Variants in HACD2 observed in about 807,000 individuals in gnomAD.
The protein encoded by HACD2 is very-long-chain (3R)-3-hydroxyacyl-CoA dehydratase 2.
In HACD2, 15 loss-of-function variants were observed where a neutral mutation model predicts 31.0. The ratio of observed to expected loss-of-function variants is 0.48; its 90% CI spans 0.32 to 0.75. The LOEUF is 0.75. Ranked by LOEUF, HACD2 falls within the 30% of genes least tolerant of loss-of-function variation. HACD2 has a pLI of 0.03. For missense variants in HACD2, 283 were observed against 313.0 expected (o/e 0.90, Z 0.72); for synonymous variants, 115 against 122.2 (o/e 0.94, Z 0.39).
chr3:123,539,280 C>A (rs563853307), intron 3 of HACD2, among the ~76,000 whole-genome samples: 1 of 152,182 alleles, frequency 6.6e-6, no homozygotes, highest in African/African-American at 2.4e-5. Flanking sequence ...TAATAAAAAA[C>A]ACATATGGGG....
rs2055890467 is a variant in HACD2, at chr3:123,500,579, G to T, written c.618C>A (p.Asn206Lys). The change falls in exon 6 of 7, where the codon AAC becomes AAA. Residue 206 changes from asparagine to lysine, a missense_variant. Asn to Lys is a moderately conservative substitution (Grantham distance 94). Transcript: ENST00000383657. Reference protein sequence around the residue: ...QAGLYSISLPNKYNFSFDYYA... With the variant: ...QAGLYSISLPKKYNFSFDYYA... ...AGTAGTCAAAAGAGAAATTGTATTT[G>T]TTGGGTAAACTGATGGAATATAGGC... 6.2e-7 allele frequency: 1 copy of T among 1,612,168 alleles called. No individual in the cohort carries two copies. Among genetic ancestry groups the T allele is most frequent in the Non-Finnish European group, 8.5e-7 (1 of 1,178,282 alleles).
At chr3:123,539,911 T>TAAAAAAAAAAAAAAAA (rs71142741) in intron 3 of HACD2, among the ~76,000 whole-genome samples, 1 of 24,478 alleles carries the variant, frequency 4.1e-5, no homozygotes, top group Non-Finnish European at 6.2e-5. Context: ...TCGTCTCTAC[T>TAAAAAAAAAAAAAAAA]AAAAAAAAAA....
intron 3 of HACD2, among the ~76,000 whole-genome samples, chr3:123,550,299 G>A (rs2056606333): frequency 6.6e-6 from 1 of 152,202 alleles, no homozygotes; most frequent in Non-Finnish European, 1.5e-5. Context: ...TCTGCGCAGT[G>A]AGGACTGAAG....
At chr3:123,576,198 TG>T (rs1362295138) in intron 2 of HACD2, among the ~76,000 whole-genome samples, 1 of 152,194 alleles carries the variant, frequency 6.6e-6, no homozygotes, top group African/African-American at 2.4e-5. Context: ...ACCTATTTCT[TG>T]CACTGTGGCT....
chr3:123,570,822 A>G (rs1305491161), intron 2 of HACD2, among the ~76,000 whole-genome samples: 1 of 152,098 alleles, frequency 6.6e-6, no homozygotes, highest in African/African-American at 2.4e-5. Context: ...AGAGGCAATA[A>G]AGCCATTGTT....
intron 4 of HACD2, among the ~76,000 whole-genome samples, chr3:123,527,835 A>G (rs1265580502): frequency 6.6e-6 from 1 of 152,230 alleles, no homozygotes; most frequent in African/African-American, 2.4e-5. Context: ...ATTTGCGGGT[A>G]GAAGGCATAA....
At chr3:123,583,481 T>C (rs2056987263) in intron 1 of HACD2, among the ~76,000 whole-genome samples, 2 of 152,208 alleles carry the variant, frequency 1.3e-5, no homozygotes, top group South Asian at 4.1e-4. Context: ...AAAGCTTGTA[T>C]CTGTACTAGT....
At chr3:123,551,373 C>T (rs1417508818) in intron 3 of HACD2, among the ~76,000 whole-genome samples, 4 of 152,086 alleles carry the variant, frequency 2.6e-5, no homozygotes, top group Admixed American at 2.6e-4. Context: ...AATCCCAGCA[C>T]TTTGGGAGGC....
At chr3:123,579,369 G>A (rs1528586) in intron 2 of HACD2, among the ~76,000 whole-genome samples, 14,236 of 150,490 alleles carry the variant, frequency 0.095, 1,544 homozygotes, top group East Asian at 0.35. Context: ...ATCATAGTTC[G>A]CTGCAGCCTC....
rs1213837466 is a variant in HACD2 at position 123,584,915 on chromosome 3, G to A, written c.113C>T (p.Ala38Val). ...ATTGTAGATGACCAGGTACGCCGTGGCCAGGGGCCCCGGGCCCTTCTTCTT... is the reference window on the plus strand; with the variant it reads ...ATTGTAGATGACCAGGTACGCCGTGACCAGGGGCCCCGGGCCCTTCTTCTT... ...TRKKKGPGPL[A>V]TAYLVIYNVV... The change falls in exon 1 of 7, where the codon GCC (alanine) becomes GTC (valine). Residue 38 changes from alanine to valine, a missense_variant. Around this residue, in one of 3 missense-constraint regions of HACD2, gnomAD observed 158 missense variants for 148.3 expected, o/e 1.07. Coordinates refer to ENST00000383657, the MANE Select transcript of HACD2 (RefSeq NM_198402.5). 3.9e-6 allele frequency: 6 copies of A among 1,527,956 alleles called. No homozygotes were observed. In the Admixed American group the frequency reaches 1.0e-4, roughly 26 times the overall value. The allele number at this position is 1,527,956 out of a possible 1,614,324, so 94.6% of individuals were successfully genotyped here. A position where few individuals can be genotyped will look rare whatever the true frequency, so the allele number is the denominator to read the frequency against.
intron 3 of HACD2, among the ~76,000 whole-genome samples, chr3:123,553,524 G>A (rs1452042545): frequency 6.6e-6 from 1 of 152,210 alleles, no homozygotes; most frequent in Non-Finnish European, 1.5e-5. Context: ...TGCTAGGTAT[G>A]CCAAAAAGGC....
At chr3:123,535,996 A>G (rs1174192678) in intron 3 of HACD2, among the ~76,000 whole-genome samples, 1 of 152,230 alleles carries the variant, frequency 6.6e-6, no homozygotes, top group Non-Finnish European at 1.5e-5. Flanking sequence ...TCAGAGATAA[A>G]GTATATAAAG....
chr3:123,573,195 TTAA>T (rs886437346), intron 2 of HACD2, among the ~76,000 whole-genome samples: 2 of 152,226 alleles, frequency 1.3e-5, no homozygotes, highest in African/African-American at 2.4e-5. Flanking sequence ...TGCTTAAAAC[TTAA>T]TAATAATAAT....
At chr3:123,566,933 G>A (rs1228502302) in intron 3 of HACD2, among the ~76,000 whole-genome samples, 2 of 152,192 alleles carry the variant, frequency 1.3e-5, no homozygotes, top group East Asian at 3.9e-4. Flanking sequence ...CTACCTGTGC[G>A]CCCATCTGAA....
intron 3 of HACD2, among the ~76,000 whole-genome samples, chr3:123,553,162 T>C (rs1362438702): frequency 6.6e-6 from 1 of 152,222 alleles, no homozygotes; most frequent in Non-Finnish European, 1.5e-5. Context: ...AGGCATGTCC[T>C]AGTAAAACTA....
At chr3:123,529,144 A>G (rs1277575412) in intron 3 of HACD2, among the ~76,000 whole-genome samples, 3 of 152,156 alleles carry the variant, frequency 2.0e-5, no homozygotes, top group Non-Finnish European at 2.9e-5. Flanking sequence ...TCTGTCACCC[A>G]GGCTGGAGTG....
intron 2 of HACD2, among the ~76,000 whole-genome samples, chr3:123,580,658 C>T (rs963691878): frequency 6.6e-6 from 1 of 151,594 alleles, no homozygotes; most frequent in Non-Finnish European, 1.5e-5. Context: ...TGGTGCAAGC[C>T]TGTGGGCCCA....
intron 6 of HACD2, among the ~76,000 whole-genome samples, chr3:123,499,001 T>C (rs543750806): frequency 5.9e-4 from 90 of 152,188 alleles, no homozygotes; most frequent in African/African-American, 2.1e-3. Flanking sequence ...CCTAGAGAGG[T>C]TGGAAGTCTT....
intron 3 of HACD2, among the ~76,000 whole-genome samples, chr3:123,534,439 C>T (rs1470089046): frequency 6.6e-6 from 1 of 151,428 alleles, no homozygotes; most frequent in Admixed American, 6.6e-5. Flanking sequence ...ATCTAGTGTG[C>T]TGCTAGTCAT....
Sources: allele counts gnomAD v4.1 joint callset (sites outside exome capture counted in the v4.1 genomes callset), GRCh38; gene constraint gnomAD v4.1.1; regional missense constraint gnomAD v4.1.1; transcripts MANE v1.5; gene names NCBI Gene and HGNC (gene_info 2026-07-23, HGNC 2026-07-21).